RBM20: variants seen among roughly 807,000 people sequenced by gnomAD.
The protein encoded by RBM20 is RNA-binding protein 20.
In RBM20, 51 loss-of-function variants were observed where a neutral mutation model predicts 110.1. The observed-to-expected ratio is 0.46, with a 90% CI of 0.37 to 0.59. RBM20 has a LOEUF of 0.59. Ranked by LOEUF, RBM20 falls within the 20% of genes least tolerant of loss-of-function variation. The pLI, the probability that RBM20 is intolerant of heterozygous loss-of-function variation, is 0.00. For synonymous variants in RBM20, 589 were observed against 618.2 expected (o/e 0.95, Z 0.70); for missense variants, 1,512 against 1,574.9 (o/e 0.96, Z 0.68).
At chr10:110,687,071 T>A (rs1392546485) in intron 1 of RBM20, among the ~76,000 whole-genome samples, 2 of 151,582 alleles carry the variant, frequency 1.3e-5, no homozygotes, top group Admixed American at 6.6e-5. Context: ...AAAATTTGTG[T>A]TCCTTGTATA....
chr10:110,741,440 G>C (rs1843724462), intron 1 of RBM20, among the ~76,000 whole-genome samples: 4 of 152,114 alleles, frequency 2.6e-5, no homozygotes, highest in Admixed American at 2.6e-4. Context: ...GTCCGAAGTT[G>C]AACTCATGCA....
chr10:110,812,779 A>G lies in RBM20; in HGVS notation c.2382A>G (p.Arg794=), dbSNP rs999008497. Residue 794 remains arginine, a synonymous_variant, in exon 9 of 14, where the codon AGA becomes AGG. Transcript: ENST00000369519. ...RKDEARLRES[R]HPHPDDSGKE... ...ACGAGGCCAGGCTGCGGGAAAGCAG[A>G]CACCCCCATCCGGATGACTCAGGCA... 3 of 1,551,634 alleles carry G rather than the reference A, an allele frequency of 1.9e-6. No individual in the cohort carries two copies. Among genetic ancestry groups the G allele is most frequent in the Non-Finnish European group, 2.6e-6 (3 of 1,146,956 alleles).
intron 1 of RBM20, among the ~76,000 whole-genome samples, chr10:110,748,785 T>G (rs1446040336): frequency 6.6e-6 from 1 of 152,190 alleles, no homozygotes; most frequent in Admixed American, 6.5e-5. Flanking sequence ...CTAAGTGCAT[T>G]TACAATGCTG....
intron 5 of RBM20, among the ~76,000 whole-genome samples, chr10:110,796,501 C>G (rs1468820388): frequency 6.6e-6 from 1 of 152,204 alleles, no homozygotes; most frequent in Non-Finnish European, 1.5e-5. Context: ...AAAAGTATTT[C>G]ATATCACCAA....
chr10:110,785,405 T>A (rs1844407652), intron 5 of RBM20, among the ~76,000 whole-genome samples: 1 of 152,050 alleles, frequency 6.6e-6, no homozygotes, highest in Admixed American at 6.6e-5. Context: ...TTTCTGGCCA[T>A]AGATTGGTTC....
chr10:110,835,922 A>T lies in RBM20; in HGVS notation c.3628A>T (p.Ser1210Cys). ...CCTCAAGGAGACCGAGGGGGCAGAT[A>T]GCCCGAGGCCAGAGGACAGCGGAAT... Reference protein sequence around the residue: ...EGLKETEGADSPRPEDSGIVP... With the variant: ...EGLKETEGADCPRPEDSGIVP... Residue 1210 changes from serine (S) to cysteine (C), a missense_variant, in exon 14 of 14, where the codon AGC becomes TGC. Coordinates refer to ENST00000369519, the MANE Select transcript of RBM20 (RefSeq NM_001134363.3). The T allele has an allele frequency of 6.6e-7, 1 of 1,513,748 alleles. No individual in the cohort carries two copies. Among genetic ancestry groups the T allele is most frequent in the South Asian group, 1.2e-5 (1 of 83,130 alleles). 93.8% of individuals were successfully genotyped at this position (1,513,748 alleles called of 1,614,324 possible).
Position 110,812,656 on chromosome 10 carries a change from A to T in RBM20, c.2259A>T (p.Lys753Asn), listed in dbSNP as rs1844786919. The T allele has an allele frequency of 6.4e-7, 1 of 1,551,670 alleles. No individual in the cohort carries two copies. Among genetic ancestry groups the T allele is most frequent in the Non-Finnish European group, 8.7e-7 (1 of 1,146,980 alleles). ...PNLPHSVSSY[K>N]SREDGYYRKE... ...TGCCCCACTCTGTGTCCAGCTACAAAAGCCGTGAAGACGGCTACTACCGGA... is the reference window on the plus strand; with the variant it reads ...TGCCCCACTCTGTGTCCAGCTACAATAGCCGTGAAGACGGCTACTACCGGA... Residue 753 changes from lysine (K) to asparagine (N), a missense_variant, in exon 9 of 14, where the codon AAA becomes AAT. Physicochemically the swap from Lys to Asn is moderately conservative, Grantham distance 94. Around this residue, in one of 3 missense-constraint regions of RBM20, gnomAD observed 1,149 missense variants for 1,169.4 expected, o/e 0.98. Coordinates refer to ENST00000369519, the MANE Select transcript of RBM20 (RefSeq NM_001134363.3).
chr10:110,717,997 G>A (rs1478968213), intron 1 of RBM20, among the ~76,000 whole-genome samples: 1 of 152,202 alleles, frequency 6.6e-6, no homozygotes, highest in Non-Finnish European at 1.5e-5. Context: ...GGGGCTTCGG[G>A]CATCTGTTCT....
chr10:110,701,473 A>C (rs1862757516), intron 1 of RBM20, among the ~76,000 whole-genome samples: 1 of 152,170 alleles, frequency 6.6e-6, no homozygotes, highest in African/African-American at 2.4e-5. Flanking sequence ...CCCGTGTATG[A>C]GCCGGAGATT....
At chr10:110,727,423 T>TAAAAA (rs1564827114) in intron 1 of RBM20, among the ~76,000 whole-genome samples, 7 of 113,890 alleles carry the variant, frequency 6.1e-5, no homozygotes, top group African/African-American at 2.3e-4. Context: ...AAAAAAAAAA[T>TAAAAA]AAATAAAAAG....
chr10:110,703,992 G>A (rs1179581488), intron 1 of RBM20, among the ~76,000 whole-genome samples: 1 of 152,078 alleles, frequency 6.6e-6, no homozygotes, highest in Non-Finnish European at 1.5e-5. Context: ...TGCACCTGTA[G>A]TCCCAGCTCC....
chr10:110,699,240 T>C (rs1862718066), intron 1 of RBM20, among the ~76,000 whole-genome samples: 1 of 138,202 alleles, frequency 7.2e-6, no homozygotes, highest in Non-Finnish European at 1.6e-5. Flanking sequence ...GAGGGCATCT[T>C]TAAAAAAAAA....
At chr10:110,759,563 C>A (rs1353773331) in intron 1 of RBM20, among the ~76,000 whole-genome samples, 2 of 152,176 alleles carry the variant, frequency 1.3e-5, no homozygotes, top group African/African-American at 2.4e-5. Context: ...ACCTCCTGGG[C>A]AAGAATTGGG....
intron 1 of RBM20, among the ~76,000 whole-genome samples, chr10:110,709,935 ATGTT>A (rs1328151949): frequency 1.3e-5 from 2 of 152,078 alleles, no homozygotes; most frequent in African/African-American, 2.4e-5. Context: ...GATGAACAGA[ATGTT>A]TGTTTTTTTA....
chr10:110,828,101 T>G (rs1487355201), intron 12 of RBM20, among the ~76,000 whole-genome samples: 1 of 152,162 alleles, frequency 6.6e-6, no homozygotes, highest in Non-Finnish European at 1.5e-5. Context: ...GCCTGCAAAG[T>G]GCAAGCTCCC....
At chr10:110,766,181 G>T (rs913259969) in intron 1 of RBM20, among the ~76,000 whole-genome samples, 1 of 152,176 alleles carries the variant, frequency 6.6e-6, no homozygotes, top group African/African-American at 2.4e-5. Context: ...AATCTGCTTG[G>T]ATCGTAACCA....
chr10:110,657,069 T>A, intron 1 of RBM20, among the ~76,000 whole-genome samples: 1 of 151,392 alleles, frequency 6.6e-6, no homozygotes, highest in Non-Finnish European at 1.5e-5. Context: ...CAGGCTGGAG[T>A]GCATTGGCGT....
In RBM20 at chr10:110,813,937, G is replaced by A. The variant is rs182733352; in HGVS notation, c.2550+990G>A. On this transcript the variant is annotated intron_variant, in intron 9 of 13. Coordinates refer to ENST00000369519, the MANE Select transcript of RBM20 (RefSeq NM_001134363.3). ...GCAGTACTTCAGTTCACACAGGGGC[G>A]TCACAAGGAGGGTTGTGGTTACCAG... 7.2e-5 allele frequency among the ~76,000 whole-genome samples: 11 copies of A among 151,960 alleles called. No homozygotes were observed. In the East Asian group the frequency reaches 1.4e-3, roughly 19 times the overall value.
At chr10:110,791,131 T>C (rs899945032) in intron 5 of RBM20, among the ~76,000 whole-genome samples, 14 of 152,338 alleles carry the variant, frequency 9.2e-5, no homozygotes, top group South Asian at 6.2e-4. Context: ...TAAGCCAAGA[T>C]CCATAGCTAC....
Sources: allele counts gnomAD v4.1 joint callset (sites outside exome capture counted in the v4.1 genomes callset), GRCh38; gene constraint gnomAD v4.1.1; regional missense constraint gnomAD v4.1.1; transcripts MANE v1.5; gene names NCBI Gene and HGNC (gene_info 2026-07-23, HGNC 2026-07-21).